The following KLHL1 variants were observed in gnomAD, a reference collection of about 807,000 sequenced individuals.
KLHL1 encodes kelch-like protein 1.
A neutral mutation model predicts 77.7 loss-of-function variants in KLHL1; 47 were observed. The ratio of observed to expected loss-of-function variants is 0.60; its 90% CI spans 0.48 to 0.77. The LOEUF is 0.77. Among genes scored for constraint, KLHL1 ranks in the 30% least tolerant of loss-of-function variants. The probability of loss-of-function intolerance (pLI) is 0.00; values close to 1 mark genes in which losing one functional copy is unlikely to be tolerated. For missense variants in KLHL1, 925 were observed against 910.8 expected, an observed-to-expected ratio of 1.02 and a Z score of -0.20; for synonymous variants, 360 against 325.2, an observed-to-expected ratio of 1.11 and a Z score of -1.15.
intron 5 of KLHL1, among the ~76,000 whole-genome samples, chr13:69,862,294 AAG>A (rs373063186): frequency 9.7e-4 from 145 of 148,718 alleles, no homozygotes; most frequent in South Asian, 3.8e-3. Flanking sequence ...CACACAGGAG[AAG>A]AGAGAGAGAG....
chr13:70,101,296 A>C (rs943841803), intron 1 of KLHL1, among the ~76,000 whole-genome samples: 16 of 152,098 alleles, frequency 1.1e-4, no homozygotes, highest in Non-Finnish European at 5.9e-5. Context: ...TCATTGTTGT[A>C]ATTTAAAAAT....
chr13:69,775,693 G>GT (rs146568047), intron 7 of KLHL1, among the ~76,000 whole-genome samples: 6,173 of 150,784 alleles, frequency 0.041, 374 homozygotes, highest in African/African-American at 0.13. Flanking sequence ...ATGCCTAAGG[G>GT]TTTTTTTTTG....
chr13:69,704,911 A>G (rs563165047), intron 10 of KLHL1, among the ~76,000 whole-genome samples: 1 of 151,800 alleles, frequency 6.6e-6, no homozygotes, highest in East Asian at 1.9e-4. Context: ...TTATCAATAT[A>G]TCTTATATAT....
intron 1 of KLHL1, among the ~76,000 whole-genome samples, chr13:69,980,664 A>G (rs1229670032): frequency 6.6e-6 from 1 of 152,124 alleles, no homozygotes; most frequent in Non-Finnish European, 1.5e-5. Context: ...TATTTTTTTC[A>G]GCGAATTGTT....
At chr13:70,069,085 A>C (rs894347904) in intron 1 of KLHL1, among the ~76,000 whole-genome samples, 2 of 152,218 alleles carry the variant, frequency 1.3e-5, no homozygotes, top group African/African-American at 4.8e-5. Context: ...ATCAAAATCT[A>C]ATTGACCTGA....
chr13:69,972,898 T>C (rs1253984633), intron 2 of KLHL1, among the ~76,000 whole-genome samples: 2 of 152,032 alleles, frequency 1.3e-5, no homozygotes, highest in African/African-American at 2.4e-5. Context: ...CTCATCTGAA[T>C]CTCAGATTAA....
In KLHL1 at chr13:70,107,598, C is replaced by T. The variant is rs749505853; in HGVS notation, c.102G>A (p.Gly34=). 3.1e-6 allele frequency: 5 copies of T among 1,596,920 alleles called. No individual in the cohort carries two copies. In the African/African-American group the frequency reaches 4.0e-5, roughly 13 times the overall value. The change falls in exon 1 of 11, where the codon GGG becomes GGA. Residue 34 remains glycine (G), a synonymous_variant. Coordinates refer to ENST00000377844, the MANE Select transcript of KLHL1 (RefSeq NM_020866.3). ...TGCCGTCCTGTTGCAGGCAGCCTCCCCCCGCCGGGCCGCCGGTGGAAGGAG... is the reference window on the plus strand; with the variant it reads ...TGCCGTCCTGTTGCAGGCAGCCTCCTCCCGCCGGGCCGCCGGTGGAAGGAG... The part of the protein sequence containing the change: ...HPSPSTGGPA[G]GGCLQQDGSG...
intron 1 of KLHL1, among the ~76,000 whole-genome samples, chr13:70,088,793 A>G (rs1887605630): frequency 6.6e-6 from 1 of 152,190 alleles, no homozygotes; most frequent in African/African-American, 2.4e-5. Flanking sequence ...TTTCTCATTT[A>G]TACTTTTATA....
intron 1 of KLHL1, among the ~76,000 whole-genome samples, chr13:70,017,983 T>C (rs1593677696): frequency 6.6e-6 from 1 of 152,090 alleles, no homozygotes; most frequent in African/African-American, 2.4e-5. Flanking sequence ...AATCTCCAAT[T>C]AAAGTTCTTA....
chr13:69,736,510 T>C (rs1873766988), intron 8 of KLHL1, among the ~76,000 whole-genome samples: 5 of 152,258 alleles, frequency 3.3e-5, no homozygotes, highest in Admixed American at 2.6e-4. Context: ...ACAGTAGGAT[T>C]ACCATTTGAT....
chr13:70,026,705 TGTG>T lies in KLHL1; in HGVS notation c.498-50906_498-50904del, dbSNP rs1566510696. ...TTGCTGTCAATTTAAGAACTTAGGG[TGTG>T]TGTGTGTGTGTGTGTGTGTGTGTGT... On this transcript the variant is annotated intron_variant, in intron 1 of 10. Coordinates refer to ENST00000377844, the MANE Select transcript of KLHL1 (RefSeq NM_020866.3). Among the ~76,000 whole-genome samples the T allele has an allele frequency of 5.5e-3, 671 of 121,176 alleles. 7 individuals are homozygous for T. The highest frequency in any genetic ancestry group is 0.028 in the African/African-American group (631 of 22,266). The allele number at this position is 121,176 out of a possible 152,430, so 79.5% of individuals were successfully genotyped here. A position where few individuals can be genotyped will look rare whatever the true frequency, so the allele number is the denominator to read the frequency against.
At chr13:69,934,962 G>GTGTATATATATATATATATATATATA (rs372646811) in intron 4 of KLHL1, among the ~76,000 whole-genome samples, 2 of 129,818 alleles carry the variant, frequency 1.5e-5, no homozygotes, top group African/African-American at 6.1e-5. Flanking sequence ...GTGTGCATGT[G>GTGTATATATATATATATATATATATA]TATATATATA....
intron 1 of KLHL1, among the ~76,000 whole-genome samples, chr13:70,102,365 CTGAA>C (rs1349185327): frequency 1.2e-4 from 18 of 152,222 alleles, no homozygotes; most frequent in African/African-American, 4.3e-4. Context: ...ATAAAATACA[CTGAA>C]TGAACTATAA....
At chr13:69,799,253 C>T (rs757894657) in intron 6 of KLHL1, among the ~76,000 whole-genome samples, 22 of 152,164 alleles carry the variant, frequency 1.4e-4, no homozygotes, top group Non-Finnish European at 4.4e-5. Flanking sequence ...AACTGTACTT[C>T]CCACAGACTC....
intron 1 of KLHL1, among the ~76,000 whole-genome samples, chr13:70,102,544 C>A (rs1481607515): frequency 5.3e-5 from 8 of 152,048 alleles, no homozygotes. Flanking sequence ...ACCTCAGATG[C>A]TGCCTCTTTT....
chr13:69,970,711 G>T (rs576231104), intron 2 of KLHL1, among the ~76,000 whole-genome samples: 2 of 152,214 alleles, frequency 1.3e-5, no homozygotes, highest in Non-Finnish European at 2.9e-5. Flanking sequence ...GACTCATTCT[G>T]CAGGAAGTCA....
chr13:69,928,609 C>T (rs1882892326), intron 4 of KLHL1, among the ~76,000 whole-genome samples: 1 of 152,156 alleles, frequency 6.6e-6, no homozygotes, highest in East Asian at 1.9e-4. Context: ...AAATAAATTA[C>T]TGATACATGG....
intron 1 of KLHL1, among the ~76,000 whole-genome samples, chr13:70,076,865 T>C (rs189921880): frequency 6.6e-6 from 1 of 152,030 alleles, no homozygotes. Context: ...GGTATACACA[T>C]AGGAAAATAG....
At chr13:69,903,631 T>C (rs1201438203) in intron 4 of KLHL1, among the ~76,000 whole-genome samples, 1 of 34,346 alleles carries the variant, frequency 2.9e-5, no homozygotes, top group Non-Finnish European at 6.6e-5. Context: ...GTTCACATTC[T>C]TTTTTTTTTT....
Sources: allele counts gnomAD v4.1 joint callset (sites outside exome capture counted in the v4.1 genomes callset), GRCh38; gene constraint gnomAD v4.1.1; transcripts MANE v1.5; gene names NCBI Gene and HGNC (gene_info 2026-07-23, HGNC 2026-07-21).